Variants in DHX57 observed in about 807,000 individuals in gnomAD.
The protein encoded by DHX57 is putative ATP-dependent RNA helicase DHX57.
In DHX57, 105 loss-of-function variants were observed where a neutral mutation model predicts 156.2. The observed-to-expected ratio is 0.67, with a 90% CI of 0.57 to 0.79. The LOEUF (loss-of-function observed/expected upper bound fraction) is 0.79. Among genes scored for constraint, DHX57 ranks in the 30% least tolerant of loss-of-function variants. The pLI is 0.00. For missense variants in DHX57, 1,847 were observed against 1,661.9 expected (o/e 1.11, Z -1.94); for synonymous variants, 704 against 595.6 (o/e 1.18, Z -2.65).
At position 38,823,053 on chromosome 2, in the gene DHX57, G is replaced by A; in HGVS notation, c.3231C>T (p.Ile1077=). The A allele has an allele frequency of 6.2e-7, 1 of 1,614,158 alleles. No individual in the cohort carries two copies. Among genetic ancestry groups the A allele is most frequent in the Non-Finnish European group, 8.5e-7 (1 of 1,180,036 alleles). ...RIGKLMLFGS[I]FRCLDPALTI... ...TGAGAGCAGGATCCAAACAGCGGAA[G>A]ATAGACCCAAACAACATTAGTTTGC... The change falls in exon 17 of 24, where the codon ATC becomes ATT. Residue 1077 remains isoleucine (I), a synonymous_variant. Coordinates refer to ENST00000457308, the MANE Select transcript of DHX57 (RefSeq NM_198963.3).
intron 2 of DHX57, chr2:38,867,016 G>C (rs577254826): frequency 1.3e-5 from 2 of 152,254 alleles, no homozygotes; most frequent in East Asian, 1.9e-4. Flanking sequence ...TTCACGGTAA[G>C]TGCCCTACAT....
chr2:38,815,740 C>T, intron 19 of DHX57, 85 bp from the exon 20 acceptor site: 1 of 1,556,728 alleles, frequency 6.4e-7, no homozygotes, highest in Non-Finnish European at 8.8e-7. Flanking sequence ...TATAAAAATG[C>T]ATTATTTCAG....
At chr2:38,800,999 T>G (rs1193764913) in intron 23 of DHX57, among the ~76,000 whole-genome samples, 1 of 152,218 alleles carries the variant, frequency 6.6e-6, no homozygotes, top group Non-Finnish European at 1.5e-5. Flanking sequence ...TAAAACATTT[T>G]GGATGTATTA....
In DHX57 at chr2:38,828,360, G is replaced by C. The variant is rs371267292; in HGVS notation, c.2619C>G (p.Phe873Leu). 28 of 1,612,110 alleles carry C rather than the reference G, an allele frequency of 1.7e-5. No homozygotes were observed. The highest frequency in any genetic ancestry group is 2.2e-5 in the Non-Finnish European group (26 of 1,179,396). Reference sequence around the variant, plus strand: ...CTTACCGATTACTACGTCTGTTGTTGAAAAGAGAATTAGACTGTAGCTGTT... The same window carrying C: ...CTTACCGATTACTACGTCTGTTGTTCAAAAGAGAATTAGACTGTAGCTGTT... ...LYEQLQSNSL[F>L]NNRRSNRCVI... The change falls in exon 14 of 24, where the codon TTC (phenylalanine) becomes TTG (leucine). Residue 873 changes from phenylalanine (F) to leucine (L), a missense_variant. By Grantham distance (22) the Phe-to-Leu change is conservative (BLOSUM62 0). Transcript: ENST00000457308.
intron 8 of DHX57, 98 bp from the exon 9 acceptor site, chr2:38,854,276 T>C: frequency 7.9e-7 from 1 of 1,272,818 alleles, no homozygotes; most frequent in Non-Finnish European, 1.1e-6. Context: ...TAAAAAATAT[T>C]GGAAACACCA....
intron 13 of DHX57, among the ~76,000 whole-genome samples, chr2:38,836,993 A>G (rs1671706536): frequency 6.6e-6 from 1 of 152,016 alleles, no homozygotes; most frequent in African/African-American, 2.4e-5. Context: ...GACTACAGGC[A>G]TGTGCCACCA....
chr2:38,859,690 A>G (rs1027699674), intron 5 of DHX57, among the ~76,000 whole-genome samples: 6 of 152,204 alleles, frequency 3.9e-5, no homozygotes, highest in African/African-American at 1.4e-4. Context: ...CTAAATGACC[A>G]GCAGCCACAT....
chr2:38,851,151 C>G (rs958433296), intron 9 of DHX57, among the ~76,000 whole-genome samples: 1 of 152,088 alleles, frequency 6.6e-6, no homozygotes. Context: ...CTATATAATC[C>G]CAATAGTGTT....
intron 2 of DHX57, among the ~76,000 whole-genome samples, chr2:38,865,153 C>G (rs3099937): frequency 6.6e-6 from 1 of 151,990 alleles, no homozygotes. Flanking sequence ...TTTTTATTGA[C>G]ACATAATAAT....
intron 9 of DHX57, 124 bp from the exon 10 acceptor site, chr2:38,848,526 T>C: frequency 5.0e-6 from 5 of 1,000,942 alleles, no homozygotes; most frequent in Non-Finnish European, 5.8e-6. Flanking sequence ...CCATTAACGT[T>C]CATAGAACAA....
intron 23 of DHX57, 36 bp from the exon 24 acceptor site, chr2:38,798,478 G>A: frequency 6.3e-7 from 1 of 1,579,282 alleles, no homozygotes; most frequent in Non-Finnish European, 8.6e-7. Context: ...AGTGCTTGGA[G>A]GAACAGGCAG....
intron 8 of DHX57, 86 bp from the exon 9 acceptor site, chr2:38,854,264 G>T: frequency 1.4e-6 from 2 of 1,390,464 alleles, no homozygotes; most frequent in South Asian, 1.3e-5. Flanking sequence ...AATGGATAGT[G>T]ATAAAAAATA....
intron 19 of DHX57, among the ~76,000 whole-genome samples, chr2:38,818,107 T>C (rs1006217094): frequency 3.3e-5 from 5 of 152,120 alleles, no homozygotes; most frequent in Non-Finnish European, 7.4e-5. Flanking sequence ...GGAAGGGGAT[T>C]AGAGATGGCC....
chr2:38,828,387 A>G lies in DHX57; in HGVS notation c.2592T>C (p.Tyr864=), dbSNP rs1671213284. 1.9e-6 allele frequency: 3 copies of G among 1,613,766 alleles called. No individual in the cohort carries two copies. Among genetic ancestry groups the G allele is most frequent in the Non-Finnish European group, 2.5e-6 (3 of 1,179,828 alleles). The part of the protein sequence containing the change: ...LPGLAEIKML[Y]EQLQSNSLFN... The stretch of plus-strand genomic sequence containing the variant: ...AAAGAGAATTAGACTGTAGCTGTTC[A>G]TAAAGCATTTTGATTTCTGCTAGTC... Residue 864 remains tyrosine, a synonymous_variant, in exon 14 of 24, where the codon TAT becomes TAC. Transcript: ENST00000457308.
At chr2:38,873,262 A>G (rs987405366) in intron 1 of DHX57, among the ~76,000 whole-genome samples, 1 of 152,216 alleles carries the variant, frequency 6.6e-6, no homozygotes, top group African/African-American at 2.4e-5. Context: ...AAGTGCAGGG[A>G]TTACAGGCGT....
intron 14 of DHX57, among the ~76,000 whole-genome samples, chr2:38,827,133 AAAAATAAAAT>A (rs55993145): frequency 1.4e-4 from 20 of 147,324 alleles, no homozygotes; most frequent in Non-Finnish European, 2.2e-4. Flanking sequence ...CTCCGTCTCG[AAAAATAAAAT>A]AAAATAAAAT....
intron 1 of DHX57, among the ~76,000 whole-genome samples, chr2:38,875,531 C>A (rs917445311): frequency 2.6e-5 from 4 of 152,214 alleles, no homozygotes; most frequent in Non-Finnish European, 5.9e-5. Context: ...CGCCCCGCCC[C>A]CCCCGGCCCC....
chr2:38,874,493 T>G (rs552606183), intron 1 of DHX57, among the ~76,000 whole-genome samples: 1 of 137,318 alleles, frequency 7.3e-6, no homozygotes, highest in Non-Finnish European at 1.5e-5. Flanking sequence ...CACTGCAACC[T>G]CCACCTCCCG....
chr2:38,826,997 G>C (rs1439482466), intron 14 of DHX57, among the ~76,000 whole-genome samples: 3 of 152,110 alleles, frequency 2.0e-5, no homozygotes, highest in Non-Finnish European at 4.4e-5. Flanking sequence ...CAGGTGTGTT[G>C]GTGGGCACCT....
Sources: gnomAD v4.1 joint callset for allele counts (sites outside exome capture counted in the v4.1 genomes callset) on GRCh38, gnomAD v4.1.1 for gene constraint, MANE v1.5 for transcripts, NCBI Gene and HGNC (gene_info 2026-07-23, HGNC 2026-07-21) for gene names.